The following ZFPM1 variants were observed in gnomAD, a reference collection of about 807,000 sequenced individuals.
ZFPM1 encodes zinc finger protein, FOG family member 1, also known as zinc finger protein ZFPM1.
ZFPM1 carries 28 observed loss-of-function variants against 46.3 expected under a neutral mutation model. The observed-to-expected ratio is 0.60, with a 90% CI of 0.45 to 0.83. The LOEUF is 0.83. Ranked by LOEUF, ZFPM1 falls within the 40% of genes least tolerant of loss-of-function variation. The pLI is 0.00. For synonymous variants in ZFPM1, 957 were observed against 675.9 expected (o/e 1.42, Z -6.45); for missense variants, 1,878 against 1,432.4 (o/e 1.31, Z -5.02).
chr16:88,535,024 TGCGGGGAGGGGGCCGCCCCCAGGC>T lies in ZFPM1; in HGVS notation c.*46_*69del. On this transcript the variant is annotated 3_prime_UTR_variant, in exon 10 of 10. Coordinates refer to ENST00000319555, the MANE Select transcript of ZFPM1 (RefSeq NM_153813.3). ...AGACGCTTTGCACGCCCCGCTGCGA[TGCGGGGAGGGGGCCGCCCCCAGGC>T]CGCACGGACTGCCGCTCCTGGGAAC... The T allele has an allele frequency of 1.5e-6, 2 of 1,355,262 alleles. No individual in the cohort carries two copies. Among genetic ancestry groups the T allele is most frequent in the Non-Finnish European group, 1.9e-6 (2 of 1,045,314 alleles). The allele number at this position is 1,355,262 out of a possible 1,614,324, so 84.0% of individuals were successfully genotyped here.
intron 3 of ZFPM1, among the ~76,000 whole-genome samples, chr16:88,491,070 C>T (rs1158812007): frequency 6.6e-6 from 1 of 151,736 alleles, no homozygotes. Flanking sequence ...GGCGCTGGTG[C>T]CTTCGCGGGT....
At chr16:88,518,776 A>AGAGTG in intron 4 of ZFPM1, among the ~76,000 whole-genome samples, 1 of 75,362 alleles carries the variant, frequency 1.3e-5, no homozygotes, top group Non-Finnish European at 2.7e-5. Flanking sequence ...TGGATGGATG[A>AGAGTG]TGGGTGGATG....
At chr16:88,485,862 C>T in intron 1 of ZFPM1, 77 bp from the exon 2 acceptor site, 2 of 1,417,308 alleles carry the variant, frequency 1.4e-6, no homozygotes, top group Non-Finnish European at 9.9e-7. Context: ...GGGGCTGTAC[C>T]TATGCCAGGA....
chr16:88,516,546 C>T lies in ZFPM1; in HGVS notation c.402+2026C>T, dbSNP rs1343177165. The T allele has an allele frequency of 1.5e-5, 6 of 398,546 alleles. 1 individual carries two copies. Among genetic ancestry groups the T allele is most frequent in the African/African-American group, 1.0e-4 (5 of 48,632 alleles). 24.7% of individuals were successfully genotyped at this position (398,546 alleles called of 1,614,324 possible). A position where few individuals can be genotyped will look rare whatever the true frequency, so the allele number is the denominator to read the frequency against. ...TGCAGAATTAAATCCTTGATTAACC[C>T]TTATCTCCCCAGCGAGGCGCTATCT... On this transcript the variant is annotated intron_variant, in intron 4 of 9. Transcript: ENST00000319555.
intron 4 of ZFPM1, among the ~76,000 whole-genome samples, chr16:88,518,269 G>A (rs1383840256): frequency 6.6e-6 from 1 of 152,156 alleles, no homozygotes; most frequent in Non-Finnish European, 1.5e-5. Flanking sequence ...TAGATGGATG[G>A]TGGATAAGTG....
intron 3 of ZFPM1, among the ~76,000 whole-genome samples, chr16:88,502,217 G>C (rs1247999134): frequency 1.3e-5 from 2 of 152,118 alleles, no homozygotes; most frequent in African/African-American, 4.8e-5. Context: ...TGGGACAAAG[G>C]GGCCGCCATC....
intron 4 of ZFPM1, among the ~76,000 whole-genome samples, chr16:88,518,771 G>GA: frequency 6.9e-6 from 1 of 145,762 alleles, no homozygotes; most frequent in East Asian, 2.0e-4. Context: ...ATGGATGGAT[G>GA]GATGATGGGT....
chr16:88,512,453 C>T (rs998610162), intron 3 of ZFPM1, among the ~76,000 whole-genome samples: 9 of 152,164 alleles, frequency 5.9e-5, no homozygotes, highest in Middle Eastern at 3.2e-3. Flanking sequence ...GCATGCCACC[C>T]CTTCCCTCTC....
At chr16:88,456,730 C>T (rs372214411) in intron 1 of ZFPM1, among the ~76,000 whole-genome samples, 1 of 152,082 alleles carries the variant, frequency 6.6e-6, no homozygotes, top group Non-Finnish European at 1.5e-5. Context: ...CGAGTGAGGT[C>T]GGGAGTGATG....
chr16:88,467,589 C>T (rs1177303639), intron 1 of ZFPM1, among the ~76,000 whole-genome samples: 1 of 152,228 alleles, frequency 6.6e-6, no homozygotes, highest in Non-Finnish European at 1.5e-5. Flanking sequence ...AGGGCACATG[C>T]GCAGCTGCTC....
At chr16:88,520,091 G>A (rs1376757339) in intron 4 of ZFPM1, among the ~76,000 whole-genome samples, 1 of 150,310 alleles carries the variant, frequency 6.7e-6, no homozygotes, top group African/African-American at 2.5e-5. Flanking sequence ...GTGGGTGGGT[G>A]GATAGATGGA....
At chr16:88,492,391 G>A (rs1203292169) in intron 3 of ZFPM1, among the ~76,000 whole-genome samples, 3 of 152,186 alleles carry the variant, frequency 2.0e-5, no homozygotes, top group South Asian at 2.1e-4. Context: ...TTCTTGAGGC[G>A]GCCTGGGAGG....
rs759342659 is a variant in ZFPM1 at position 88,480,730 on chromosome 16, G to C, written c.41-5209G>C. Reference sequence around the variant, plus strand: ...AGGTCACAGAGCCAGGGGCACCGCAGGGGCCTCCCCAGGGGCCTCAGACTC... The same window carrying C: ...AGGTCACAGAGCCAGGGGCACCGCACGGGCCTCCCCAGGGGCCTCAGACTC... On this transcript the variant is annotated intron_variant, in intron 1 of 9. Coordinates refer to ENST00000319555, the MANE Select transcript of ZFPM1 (RefSeq NM_153813.3). This position sits in a 1 kb window ranked among gnomAD's most constrained non-coding sequence, Gnocchi z 4.9. Among the ~76,000 whole-genome samples, 1 of 152,190 alleles carries C rather than the reference G, an allele frequency of 6.6e-6. No individual in the cohort carries two copies. The highest frequency in any genetic ancestry group is 6.5e-5 in the Admixed American group (1 of 15,288).
In ZFPM1 at chr16:88,480,334, G is replaced by A. The variant is rs952862845; in HGVS notation, c.41-5605G>A. ...CTGGCACCTCGTGAGGGTGGGGCAC[G>A]CCAAGGGCTCAGGAAGGGGAAAGGA... On this transcript the variant is annotated intron_variant, in intron 1 of 9. Transcript: ENST00000319555. The surrounding 1 kb of genome is among the most constrained non-coding windows in gnomAD (Gnocchi z 4.9). 2.0e-5 allele frequency among the ~76,000 whole-genome samples: 3 copies of A among 152,148 alleles called. No individual in the cohort carries two copies. The highest frequency in any genetic ancestry group is 6.5e-5 in the Admixed American group (1 of 15,272).
At chr16:88,472,500 C>G (rs527613937) in intron 1 of ZFPM1, among the ~76,000 whole-genome samples, 1 of 151,896 alleles carries the variant, frequency 6.6e-6, no homozygotes, top group Admixed American at 6.6e-5. Context: ...ACTATAGGCG[C>G]CTGCCACCAC....
In ZFPM1 at chr16:88,534,142, G is replaced by C; in HGVS notation, c.2184G>C (p.Ala728=). 1 of 998,496 alleles carries C rather than the reference G, an allele frequency of 1.0e-6. No homozygotes were observed. The highest frequency in any genetic ancestry group is 1.2e-6 in the Non-Finnish European group (1 of 843,138). The allele number at this position is 998,496 out of a possible 1,614,324, so 61.9% of individuals were successfully genotyped here. Residue 728 remains alanine, a synonymous_variant, in exon 10 of 10, where the codon GCG becomes GCC. Coordinates refer to ENST00000319555, the MANE Select transcript of ZFPM1 (RefSeq NM_153813.3). The stretch of plus-strand genomic sequence containing the variant: ...CCCCGGGACCCCCTGGGCCGGCCGC[G>C]CCCCCGGCCCCCTCTCCCGCCGCGC... ...AAPPGPPGPA[A]PPAPSPAAPV...
chr16:88,453,051 C>T (rs1907347070), upstream of ZFPM1, among the ~76,000 whole-genome samples: 2 of 148,870 alleles, frequency 1.3e-5, no homozygotes, highest in Admixed American at 1.3e-4. Context: ...GCGCTGGGGT[C>T]GGAGCCAGCG....
chr16:88,527,769 C>G (rs186677935), intron 5 of ZFPM1, among the ~76,000 whole-genome samples: 1 of 151,814 alleles, frequency 6.6e-6, no homozygotes, highest in African/African-American at 2.4e-5. Context: ...CCGCCCTCCA[C>G]GTCATCCCTT....
At chr16:88,508,077 A>T (rs1290141734) in intron 3 of ZFPM1, among the ~76,000 whole-genome samples, 1 of 152,174 alleles carries the variant, frequency 6.6e-6, no homozygotes, top group Admixed American at 6.5e-5. Flanking sequence ...TGGGCAGATC[A>T]TTTGAGGTCA....
Sources: allele counts gnomAD v4.1 joint callset (sites outside exome capture counted in the v4.1 genomes callset), GRCh38; gene constraint gnomAD v4.1.1; non-coding constraint Gnocchi (gnomAD v3.1); transcripts MANE v1.5; gene names NCBI Gene and HGNC (gene_info 2026-07-23, HGNC 2026-07-21).